Variants in IL1RAPL2 observed in about 807,000 individuals in gnomAD.
IL1RAPL2 encodes interleukin 1 receptor accessory protein like 2.
Under a neutral mutation model 44.1 loss-of-function variants are expected in IL1RAPL2, and 3 were observed. The observed-to-expected ratio is 0.07, with a 90% confidence interval of 0.03 to 0.18. The LOEUF (loss-of-function observed/expected upper bound fraction) is 0.18. Ranked by LOEUF, IL1RAPL2 falls within the 10% of genes least tolerant of loss-of-function variation. The pLI is 1.00. For missense variants in IL1RAPL2, 391 were observed against 496.4 expected (o/e 0.79, Z 2.02); for synonymous variants, 181 against 178.8 (o/e 1.01, Z -0.10).
chrX:105,333,029 T>A (rs1270128699), intron 5 of IL1RAPL2, among the ~76,000 whole-genome samples: 1 of 111,627 alleles, frequency 9.0e-6, no homozygotes, highest in Admixed American at 9.6e-5. Flanking sequence ...AAAATTTATA[T>A]GGAACCACAA....
intron 5 of IL1RAPL2, among the ~76,000 whole-genome samples, chrX:105,429,672 C>T (rs1192463997): frequency 1.8e-5 from 2 of 111,713 alleles, no homozygotes; most frequent in African/African-American, 6.5e-5. Flanking sequence ...AAAATATTTT[C>T]TGCTTTGTGA....
At chrX:104,722,822 C>T (rs1254933149) in intron 2 of IL1RAPL2, among the ~76,000 whole-genome samples, 1 of 111,507 alleles carries the variant, frequency 9.0e-6, no homozygotes, top group African/African-American at 3.2e-5. Context: ...GCATGGAAAC[C>T]AGCAGAATCT....
chrX:105,378,699 C>T (rs1009014267), intron 5 of IL1RAPL2, among the ~76,000 whole-genome samples: 5 of 111,763 alleles, frequency 4.5e-5, no homozygotes, highest in African/African-American at 1.3e-4. Context: ...CATTTAGTGA[C>T]GTACACTTTT....
At chrX:104,731,356 A>C (rs1332097978) in intron 2 of IL1RAPL2, among the ~76,000 whole-genome samples, 1 of 110,686 alleles carries the variant, frequency 9.0e-6, no homozygotes, top group Non-Finnish European at 1.9e-5. Context: ...TTTTAGGTCT[A>C]ACATTTAAGT....
chrX:104,791,185 C>T (rs1034153160), intron 2 of IL1RAPL2, among the ~76,000 whole-genome samples: 2 of 107,262 alleles, frequency 1.9e-5, no homozygotes, highest in East Asian at 5.9e-4. Context: ...CTTGCCCTGC[C>T]CTTCCCTTCC....
chrX:104,585,491 C>A (rs1239552457), intron 1 of IL1RAPL2, among the ~76,000 whole-genome samples: 1 of 84,022 alleles, frequency 1.2e-5, no homozygotes, highest in Non-Finnish European at 2.2e-5. Context: ...AGGTTTGCTA[C>A]GTAGGTAAAC....
intron 2 of IL1RAPL2, among the ~76,000 whole-genome samples, chrX:104,785,445 C>T (rs896342674): frequency 9.0e-6 from 1 of 111,562 alleles, no homozygotes; most frequent in Non-Finnish European, 1.9e-5. Flanking sequence ...GGTATAACAC[C>T]CCCATGTTAA....
At chrX:104,876,547 GA>G (rs1340347379) in intron 2 of IL1RAPL2, among the ~76,000 whole-genome samples, 1 of 108,496 alleles carries the variant, frequency 9.2e-6, no homozygotes, top group Non-Finnish European at 1.9e-5. Context: ...GGTAAAGATT[GA>G]AAAAATAGTG....
intron 2 of IL1RAPL2, among the ~76,000 whole-genome samples, chrX:105,017,405 T>A (rs1391494589): frequency 1.8e-5 from 2 of 111,387 alleles, no homozygotes; most frequent in African/African-American, 6.5e-5. Context: ...TTTAATAAAT[T>A]TGAACTCGGA....
At chrX:105,131,436 G>A (rs2033025593) in intron 2 of IL1RAPL2, among the ~76,000 whole-genome samples, 2 of 109,512 alleles carry the variant, frequency 1.8e-5, no homozygotes, top group African/African-American at 6.6e-5. Flanking sequence ...AACAAATGAG[G>A]GTGGTTGTGG....
chrX:105,646,503 C>T (rs1157460562), intron 6 of IL1RAPL2, among the ~76,000 whole-genome samples: 1 of 111,790 alleles, frequency 8.9e-6, no homozygotes, highest in African/African-American at 3.3e-5. Context: ...TGTGGGAAGG[C>T]AGACTGCTGT....
At position 105,592,329 on chromosome X, in the gene IL1RAPL2, T is replaced by G. The variant is rs190888747; in HGVS notation, c.772+107942T>G. Among the ~76,000 whole-genome samples, 3 of 112,059 alleles carry G rather than the reference T, an allele frequency of 2.7e-5. No individual in the cohort carries two copies. In the Admixed American group the frequency reaches 2.8e-4, roughly 11 times the overall value. ...TTGAGTCTATGGGTGTCATTGCCTGTGAGATACATGTCTTGAAGATAGCAT... is the reference window on the plus strand; with the variant it reads ...TTGAGTCTATGGGTGTCATTGCCTGGGAGATACATGTCTTGAAGATAGCAT... On this transcript the variant is annotated intron_variant, in intron 6 of 10. Coordinates refer to ENST00000372582, the MANE Select transcript of IL1RAPL2 (RefSeq NM_017416.2).
intron 6 of IL1RAPL2, among the ~76,000 whole-genome samples, chrX:105,672,269 A>G (rs2037830806): frequency 8.9e-6 from 1 of 111,902 alleles, no homozygotes; most frequent in Admixed American, 9.5e-5. Context: ...TAAATCTTCT[A>G]TTTTAGCTGT....
chrX:105,556,175 T>C (rs779058430), intron 6 of IL1RAPL2, among the ~76,000 whole-genome samples: 2 of 112,147 alleles, frequency 1.8e-5, no homozygotes, highest in East Asian at 5.6e-4. Flanking sequence ...TGCTGTGTCA[T>C]AGGGGGACAG....
At chrX:104,698,558 G>C (rs892310691) in intron 2 of IL1RAPL2, among the ~76,000 whole-genome samples, 2 of 111,743 alleles carry the variant, frequency 1.8e-5, no homozygotes, top group Admixed American at 1.9e-4. Context: ...GTGTTACCTC[G>C]ATTGGCATGA....
chrX:105,008,722 T>C (rs147945395), intron 2 of IL1RAPL2, among the ~76,000 whole-genome samples: 7,006 of 110,343 alleles, frequency 0.063, 596 homozygotes, highest in African/African-American at 0.22. Flanking sequence ...ACACCAAAAG[T>C]AATGGCAACA....
chrX:104,783,369 A>G (rs1042266508), intron 2 of IL1RAPL2, among the ~76,000 whole-genome samples: 3 of 111,274 alleles, frequency 2.7e-5, no homozygotes, highest in African/African-American at 6.5e-5. Context: ...TTCTAGATGT[A>G]GAAACCATCC....
rs777583363 is a variant in IL1RAPL2, at chrX:104,787,380, G to A, written c.82+128385G>A. Among the ~76,000 whole-genome samples, 8 of 111,329 alleles carry A rather than the reference G, an allele frequency of 7.2e-5. No homozygotes were observed. The East Asian group carries it at 1.4e-3, about 20-fold the overall frequency. ...ATTTCTGGCTCGCCCTTGATACTCC[G>A]TACCTCTGGAGGTAATGGGCTAAGT... On this transcript the variant is annotated intron_variant, in intron 2 of 10. Coordinates refer to ENST00000372582, the MANE Select transcript of IL1RAPL2 (RefSeq NM_017416.2).
chrX:105,684,075 C>T (rs144330107), intron 6 of IL1RAPL2, among the ~76,000 whole-genome samples: 1,116 of 111,591 alleles, frequency 0.01, 23 homozygotes, highest in African/African-American at 0.035. Context: ...CCAAGATGGC[C>T]GAATAGGAAC....
Sources: gnomAD v4.1 joint callset for allele counts (sites outside exome capture counted in the v4.1 genomes callset) on GRCh38, gnomAD v4.1.1 for gene constraint, MANE v1.5 for transcripts, NCBI Gene and HGNC (gene_info 2026-07-23, HGNC 2026-07-21) for gene names.